SUCO: variants seen among roughly 807,000 people sequenced by gnomAD.
SUCO encodes SUN domain containing ossification factor.
A neutral mutation model predicts 148.1 loss-of-function variants in SUCO; 57 were observed. The ratio of observed to expected loss-of-function variants is 0.38; its 90% CI spans 0.31 to 0.48. The LOEUF (loss-of-function observed/expected upper bound fraction) is 0.48. SUCO is among the 20% of genes least tolerant of loss of function. The pLI, the probability that SUCO is intolerant of heterozygous loss-of-function variation, is 0.96. For missense variants in SUCO, 1,331 were observed against 1,468.2 expected, an observed-to-expected ratio of 0.91 and a Z score of 1.53; for synonymous variants, 470 against 502.7, an observed-to-expected ratio of 0.93 and a Z score of 0.87.
chr1:172,587,086 C>T (rs970332367), intron 17 of SUCO, among the ~76,000 whole-genome samples: 2 of 135,426 alleles, frequency 1.5e-5, no homozygotes, highest in Non-Finnish European at 3.2e-5. Context: ...TATATATGTA[C>T]ACACTTTCAT....
At chr1:172,602,892 G>C in intron 22 of SUCO, 105 bp downstream of exon 22, 2 of 924,732 alleles carry the variant, frequency 2.2e-6, no homozygotes, top group Non-Finnish European at 3.4e-6. Context: ...ACAAAAAATG[G>C]ATACAAGTAG....
At position 172,575,038 on chromosome 1, in the gene SUCO, CAG is replaced by C. The variant is rs550982521; in HGVS notation, c.1158-478_1158-477del. 1.2e-5 allele frequency: 3 copies of C among 252,848 alleles called. No homozygotes were observed. The South Asian group carries it at 4.3e-4, about 37-fold the overall frequency. The allele number at this position is 252,848 out of a possible 1,614,324, so 15.7% of individuals were successfully genotyped here. A position where few individuals can be genotyped will look rare whatever the true frequency, so the allele number is the denominator to read the frequency against. On this transcript the variant is annotated intron_variant, in intron 10 of 23. Transcript: ENST00000263688. ...GGAGTTCTTATAATGTTTCAGTAAA[CAG>C]ATATAATAGTTTTAGACTTTTATAT... is the stretch of plus-strand genomic sequence containing the variant.
Position 172,570,123 on chromosome 1 carries a change from C to T in SUCO, c.933C>T (p.Ala311=), listed in dbSNP as rs140541870. ...TCCAGAAAAATCGAAATAATTATGC[C>T]TCAGTAGAATGTGGTGCCAAAATTC... ...KKVQKNRNNY[A]SVECGAKILA... The change falls in exon 8 of 24, where the codon GCC becomes GCT. Residue 311 remains alanine (A), a synonymous_variant. Coordinates refer to ENST00000263688, the MANE Select transcript of SUCO (RefSeq NM_014283.5). The T allele has an allele frequency of 1.8e-4, 289 of 1,591,850 alleles. No individual in the cohort carries two copies. The highest frequency in any genetic ancestry group is 2.3e-4 in the Non-Finnish European group (271 of 1,167,618).
At position 172,610,189 on chromosome 1, in the gene SUCO, A is replaced by T. The variant is rs755789889; in HGVS notation, c.3695A>T (p.Asp1232Val). The T allele has an allele frequency of 6.2e-7, 1 of 1,613,036 alleles. No homozygotes were observed. The highest frequency in any genetic ancestry group is 1.1e-5 in the South Asian group (1 of 90,928). ...TKSGSLPSLHDIIKGNKEITV... is the reference protein window; with the variant it reads ...TKSGSLPSLHVIIKGNKEITV... The stretch of plus-strand genomic sequence containing the variant: ...TCGGGATCATTGCCGAGCCTGCATG[A>T]CATAATCAAAGGAAACAAAGAGATC... The change falls in exon 24 of 24, where the codon GAC becomes GTC. Residue 1232 changes from aspartate (D) to valine (V), a missense_variant. Physicochemically the swap from Asp to Val is radical, Grantham distance 152. This residue lies in a region of SUCO where 334 missense variants were observed against 352.3 expected (regional missense o/e 0.95). Transcript: ENST00000263688.
chr1:172,604,229 T>G (rs1657710270), intron 22 of SUCO, among the ~76,000 whole-genome samples: 1 of 151,946 alleles, frequency 6.6e-6, no homozygotes, highest in South Asian at 2.1e-4. Context: ...CTTCTCTTTA[T>G]CCAATTTTTT....
At position 172,538,286 on chromosome 1, in the gene SUCO, T is replaced by C. The variant is rs565977646; in HGVS notation, c.62+4789T>C. The stretch of plus-strand genomic sequence containing the variant: ...TTGGCCTTTTTGTCCTTAGTAGTAA[T>C]TTTTCTGAGTATGTCAGACCAGTTT... On this transcript the variant is annotated intron_variant, in intron 1 of 23. Coordinates refer to ENST00000263688, the MANE Select transcript of SUCO (RefSeq NM_014283.5). Among the ~76,000 whole-genome samples, 8 of 152,126 alleles carry C rather than the reference T, an allele frequency of 5.3e-5. No homozygotes were observed. The East Asian group carries it at 1.5e-3, about 29-fold the overall frequency.
intron 3 of SUCO, among the ~76,000 whole-genome samples, chr1:172,554,170 T>C (rs937960740): frequency 9.2e-5 from 14 of 152,218 alleles, no homozygotes; most frequent in Non-Finnish European, 2.1e-4. Context: ...TCTAAAGCAA[T>C]AGAATTAGTT....
At chr1:172,570,802 G>T in intron 9 of SUCO, 72 bp downstream of exon 9, 5 of 908,494 alleles carry the variant, frequency 5.5e-6, no homozygotes, top group South Asian at 2.9e-5. Flanking sequence ...TTACATTAGG[G>T]TTACATTGAC....
At position 172,557,703 on chromosome 1, in the gene SUCO, A is replaced by G. The variant is rs775634893; in HGVS notation, c.641A>G (p.Lys214Arg). 1 of 1,613,396 alleles carries G rather than the reference A, an allele frequency of 6.2e-7. No homozygotes were observed. Among genetic ancestry groups the G allele is most frequent in the Non-Finnish European group, 8.5e-7 (1 of 1,179,742 alleles). Residue 214 changes from lysine (K) to arginine (R), a missense_variant, in exon 6 of 24, where the codon AAA becomes AGA. Lys to Arg is a conservative substitution (Grantham distance 26, BLOSUM62 2). Transcript: ENST00000263688. ...TCACATGGTAAAGGAAAGATAACAA[A>G]ATCAGAATTTGAATCAAAAGTTTCA... ...SSSHGKGKITKSEFESKVSAS... is the reference protein window; with the variant it reads ...SSSHGKGKITRSEFESKVSAS...
At chr1:172,541,200 C>T (rs1307381511) in intron 1 of SUCO, among the ~76,000 whole-genome samples, 2 of 152,064 alleles carry the variant, frequency 1.3e-5, no homozygotes, top group Non-Finnish European at 2.9e-5. Flanking sequence ...TTTAAATCAC[C>T]TCTAGATATT....
intron 22 of SUCO, among the ~76,000 whole-genome samples, chr1:172,606,993 C>T (rs1479231059): frequency 6.6e-6 from 1 of 151,702 alleles, no homozygotes; most frequent in Non-Finnish European, 1.5e-5. Flanking sequence ...GTTATTTTTT[C>T]CATTTCCAGG....
At chr1:172,598,740 C>T (rs1447104301) in intron 19 of SUCO, among the ~76,000 whole-genome samples, 1 of 152,192 alleles carries the variant, frequency 6.6e-6, no homozygotes, top group Non-Finnish European at 1.5e-5. Flanking sequence ...TGTTAATCAA[C>T]TTACTAACTT....
intron 6 of SUCO, 98 bp downstream of exon 6, chr1:172,557,892 A>G (rs2149234439): frequency 1.0e-6 from 1 of 963,140 alleles, no homozygotes; most frequent in South Asian, 1.9e-5. Context: ...TTGTCATAAA[A>G]TCAGGGAGAT....
intron 15 of SUCO, among the ~76,000 whole-genome samples, chr1:172,583,187 C>T (rs548294178): frequency 6.6e-6 from 1 of 152,166 alleles, no homozygotes; most frequent in Admixed American, 6.5e-5. Context: ...CAGACTTCAT[C>T]TTGGTTTATG....
intron 6 of SUCO, 111 bp downstream of exon 6, chr1:172,557,905 A>G: frequency 1.2e-6 from 1 of 835,990 alleles, no homozygotes; most frequent in East Asian, 2.8e-5. Flanking sequence ...AGGGAGATTA[A>G]GTAGACAATA....
In SUCO at chr1:172,568,999, C is replaced by G; in HGVS notation, c.733-20C>G. 1 of 1,547,160 alleles carries G rather than the reference C, an allele frequency of 6.5e-7. No homozygotes were observed. The highest frequency in any genetic ancestry group is 8.6e-7 in the Non-Finnish European group (1 of 1,158,110). ...TTATTTGAAAGTTGAAGTCTTCTTA[C>G]TTTTTGGTGTTTCTTTCAGAGCTCT... On this transcript the variant is annotated intron_variant, in intron 6 of 23. Transcript: ENST00000263688.
intron 1 of SUCO, chr1:172,550,816 G>A: frequency 1.5e-6 from 1 of 673,972 alleles, no homozygotes; most frequent in Non-Finnish European, 1.8e-6. Context: ...ATGTTTTTCA[G>A]TGGCTATGGA....
intron 14 of SUCO, 93 bp downstream of exon 14, chr1:172,578,482 T>G (rs1345608684): frequency 3.5e-6 from 5 of 1,426,832 alleles, no homozygotes; most frequent in Non-Finnish European, 4.7e-6. Flanking sequence ...CTTAAATCAA[T>G]ATGACTGTTG....
chr1:172,539,297 A>T (rs1302489742), intron 1 of SUCO, among the ~76,000 whole-genome samples: 1 of 152,202 alleles, frequency 6.6e-6, no homozygotes, highest in Non-Finnish European at 1.5e-5. Flanking sequence ...CTGGAAAGAG[A>T]TGAAATCTCT....
Sources: allele counts gnomAD v4.1 joint callset (sites outside exome capture counted in the v4.1 genomes callset), GRCh38; gene constraint gnomAD v4.1.1; regional missense constraint gnomAD v4.1.1; transcripts MANE v1.5; gene names NCBI Gene and HGNC (gene_info 2026-07-23, HGNC 2026-07-21).